PRTFDC1: variants seen among roughly 807,000 people sequenced by gnomAD.
The protein encoded by PRTFDC1 is phosphoribosyltransferase domain-containing protein 1.
In PRTFDC1, 38 loss-of-function variants were observed where a neutral mutation model predicts 34.6. The observed-to-expected ratio is 1.10, with a 90% confidence interval of 0.85 to 1.44. The LOEUF (loss-of-function observed/expected upper bound fraction) is 1.44, where lower values mean the gene tolerates loss of function less well. Among genes scored for constraint, PRTFDC1 ranks in the 40% most tolerant of loss-of-function variants. PRTFDC1 has a pLI of 0.00. For synonymous variants in PRTFDC1, 93 were observed against 98.1 expected, an observed-to-expected ratio of 0.95 and a Z score of 0.31; for missense variants, 270 against 283.0, an observed-to-expected ratio of 0.95 and a Z score of 0.33.
At chr10:24,857,939 G>A (rs938618775) in intron 5 of PRTFDC1, among the ~76,000 whole-genome samples, 6 of 152,106 alleles carry the variant, frequency 3.9e-5, no homozygotes, top group African/African-American at 1.4e-4. Context: ...TTTCCCCATA[G>A]CTCGTCATTT....
chr10:24,851,270 A>T, intron 8 of PRTFDC1, 118 bp downstream of exon 8: 1 of 1,412,392 alleles, frequency 7.1e-7, no homozygotes, highest in Non-Finnish European at 9.4e-7. Context: ...TGCTCACCAT[A>T]CTCCTGACAT....
chr10:24,918,266 G>T (rs1848727210), intron 3 of PRTFDC1, among the ~76,000 whole-genome samples: 1 of 152,038 alleles, frequency 6.6e-6, no homozygotes, highest in Non-Finnish European at 1.5e-5. Context: ...TTACATTCAT[G>T]TTCTCTGGAC....
At chr10:24,850,907 G>A (rs780537665) in intron 8 of PRTFDC1, among the ~76,000 whole-genome samples, 2 of 152,172 alleles carry the variant, frequency 1.3e-5, no homozygotes, top group Admixed American at 6.5e-5. Context: ...TCTACCTCTA[G>A]ATCATGCAGT....
chr10:24,921,436 A>G (rs1848786207), intron 3 of PRTFDC1, among the ~76,000 whole-genome samples: 1 of 152,188 alleles, frequency 6.6e-6, no homozygotes, highest in Admixed American at 6.5e-5. Context: ...TGAGAGCTGC[A>G]GAGAGGAAGG....
At chr10:24,897,089 A>C (rs1361814946) in intron 3 of PRTFDC1, among the ~76,000 whole-genome samples, 1 of 152,180 alleles carries the variant, frequency 6.6e-6, no homozygotes, top group African/African-American at 2.4e-5. Flanking sequence ...ATGTGCCTGT[A>C]GTCCCTGCCA....
chr10:24,942,317 A>C lies in PRTFDC1; in HGVS notation c.155+13T>G, dbSNP rs1281312590. The C allele has an allele frequency of 2.5e-6, 4 of 1,591,276 alleles. No homozygotes were observed. The highest frequency in any genetic ancestry group is 3.5e-6 in the Non-Finnish European group (4 of 1,159,166). ...AGTGCAGGACCAAGATTGACACAGG[A>C]AATCACACTCACCTGTCCACAATGA... is the stretch of plus-strand genomic sequence containing the variant. On this transcript the variant is annotated intron_variant, in intron 2 of 8. Transcript: ENST00000320152.
At position 24,853,134 on chromosome 10, in the gene PRTFDC1, G is replaced by T. The variant is rs1158086260; in HGVS notation, c.554-1670C>A. On this transcript the variant is annotated intron_variant, in intron 7 of 8. Coordinates refer to ENST00000320152, the MANE Select transcript of PRTFDC1 (RefSeq NM_020200.7). ...AAAGAATCAATCAGGAGAAAGGAAC[G>T]CAAAGTACAAAGCCTCATAAATCCA... is the stretch of plus-strand genomic sequence containing the variant. Among the ~76,000 whole-genome samples the T allele has an allele frequency of 2.0e-5, 3 of 151,958 alleles. No individual in the cohort carries two copies. The East Asian group carries it at 5.8e-4, about 29-fold the overall frequency.
At chr10:24,888,706 A>G (rs1588594019) in intron 3 of PRTFDC1, among the ~76,000 whole-genome samples, 2 of 152,358 alleles carry the variant, frequency 1.3e-5, no homozygotes, top group East Asian at 3.9e-4. Context: ...ATCACTGACC[A>G]AAGTCAGATA....
chr10:24,930,878 C>T (rs1289215891), intron 3 of PRTFDC1, among the ~76,000 whole-genome samples: 1 of 152,048 alleles, frequency 6.6e-6, no homozygotes, highest in African/African-American at 2.4e-5. Flanking sequence ...TTTCAGTGGT[C>T]ACCCTTAAGA....
chr10:24,859,086 C>T (rs1240031744), intron 4 of PRTFDC1, among the ~76,000 whole-genome samples: 5 of 152,118 alleles, frequency 3.3e-5, no homozygotes, highest in Admixed American at 6.6e-5. Flanking sequence ...GTGCTCGAGG[C>T]GGGGCCTGGT....
intron 4 of PRTFDC1, chr10:24,867,611 A>C (rs954483410): frequency 6.6e-6 from 1 of 151,576 alleles, no homozygotes; most frequent in East Asian, 1.9e-4. Context: ...TGGTCCACTT[A>C]TGTCCAGTGA....
chr10:24,895,179 A>G (rs1466480467), intron 3 of PRTFDC1, among the ~76,000 whole-genome samples: 1 of 151,960 alleles, frequency 6.6e-6, no homozygotes, highest in African/African-American at 2.4e-5. Flanking sequence ...TTTAAATTAG[A>G]AAGCTATATC....
chr10:24,885,786 C>A (rs1330162097), intron 3 of PRTFDC1, among the ~76,000 whole-genome samples: 5 of 152,192 alleles, frequency 3.3e-5, no homozygotes, highest in East Asian at 1.9e-4. Flanking sequence ...AGCTATGATG[C>A]ATCTATGCAA....
chr10:24,947,457 G>A (rs895798959), intron 1 of PRTFDC1, among the ~76,000 whole-genome samples: 3 of 152,108 alleles, frequency 2.0e-5, no homozygotes, highest in African/African-American at 7.2e-5. Flanking sequence ...TATGCTCTAA[G>A]TGTATTCAGT....
intron 4 of PRTFDC1, among the ~76,000 whole-genome samples, chr10:24,858,934 T>C (rs546566919): frequency 1.1e-4 from 16 of 151,872 alleles, no homozygotes; most frequent in African/African-American, 3.6e-4. Context: ...GGCTGGGAGG[T>C]GCCTGGTCTG....
At chr10:24,851,248 A>G in intron 8 of PRTFDC1, 140 bp downstream of exon 8, 1 of 1,241,732 alleles carries the variant, frequency 8.1e-7, no homozygotes, top group Non-Finnish European at 1.1e-6. Flanking sequence ...AATTGGGAGT[A>G]TGGATGCAAT....
chr10:24,915,124 C>T (rs1848677088), intron 3 of PRTFDC1, among the ~76,000 whole-genome samples: 1 of 152,164 alleles, frequency 6.6e-6, no homozygotes, highest in African/African-American at 2.4e-5. Flanking sequence ...ATGAGACACA[C>T]ATGGCTAGCC....
chr10:24,952,578 T>G lies in PRTFDC1; in HGVS notation c.-3A>C, dbSNP rs755381848. ...GCCTCCTCGCTGCTCCCGGCCATGT[T>G]TCTCCCGGGGAACGCGGGAAGGGAA... On this transcript the variant is annotated 5_prime_UTR_variant, in exon 1 of 9. Coordinates refer to ENST00000320152, the MANE Select transcript of PRTFDC1 (RefSeq NM_020200.7). The surrounding 1 kb of genome is among the most constrained non-coding windows in gnomAD (Gnocchi z 5.1). 1.3e-6 allele frequency: 2 copies of G among 1,581,080 alleles called. No individual in the cohort carries two copies. Among genetic ancestry groups the G allele is most frequent in the South Asian group, 1.2e-5 (1 of 86,912 alleles).
At chr10:24,902,546 C>T (rs928157165) in intron 3 of PRTFDC1, among the ~76,000 whole-genome samples, 1 of 152,204 alleles carries the variant, frequency 6.6e-6, no homozygotes, top group South Asian at 2.1e-4. Flanking sequence ...AGACTAGAAT[C>T]TCCTCCTCAT....
Sources: gnomAD v4.1 joint callset for allele counts (sites outside exome capture counted in the v4.1 genomes callset) on GRCh38, gnomAD v4.1.1 for gene constraint, Gnocchi (gnomAD v3.1) non-coding constraint, MANE v1.5 for transcripts, NCBI Gene and HGNC (gene_info 2026-07-23, HGNC 2026-07-21) for gene names.